The following UTRN variants were observed in gnomAD, a reference collection of about 807,000 sequenced individuals.
UTRN encodes the protein utrophin, also known as dystrophin-related protein 1.
A neutral mutation model predicts 463.9 loss-of-function variants in UTRN; 283 were observed. The observed-to-expected ratio is 0.61, with a 90% confidence interval of 0.55 to 0.67. The LOEUF (loss-of-function observed/expected upper bound fraction) is 0.67. Ranked by LOEUF, UTRN falls within the 30% of genes least tolerant of loss-of-function variation. UTRN has a pLI of 0.00. For synonymous variants in UTRN, 1,442 were observed against 1,431.5 expected, an observed-to-expected ratio of 1.01 and a Z score of -0.17; for missense variants, 3,922 against 4,084.3, an observed-to-expected ratio of 0.96 and a Z score of 1.08.
chr6:144,469,118 T>C (rs1423994776), intron 23 of UTRN, among the ~76,000 whole-genome samples: 2 of 152,178 alleles, frequency 1.3e-5, no homozygotes, highest in African/African-American at 4.8e-5. Context: ...TAGCCAGATA[T>C]ATAAGCAGTA....
chr6:144,791,880 T>G (rs2128743316), intron 62 of UTRN, among the ~76,000 whole-genome samples: 1 of 152,330 alleles, frequency 6.6e-6, no homozygotes, highest in South Asian at 2.1e-4. Context: ...AAGTTGGGCA[T>G]AGTTGATCTT....
chr6:144,732,251 T>TATAC (rs1554360009), intron 54 of UTRN, among the ~76,000 whole-genome samples: 147 of 116,086 alleles, frequency 1.3e-3, no homozygotes, highest in African/African-American at 5.6e-3. Context: ...TATATATATA[T>TATAC]ATATATACAC....
At chr6:144,355,921 T>C (rs1778510530) in intron 2 of UTRN, among the ~76,000 whole-genome samples, 1 of 152,246 alleles carries the variant, frequency 6.6e-6, no homozygotes, top group Admixed American at 6.5e-5. Flanking sequence ...AATTTTGAAT[T>C]AGAAATATTT....
At chr6:144,705,229 A>G (rs149799313) in intron 53 of UTRN, among the ~76,000 whole-genome samples, 1 of 152,194 alleles carries the variant, frequency 6.6e-6, no homozygotes, top group East Asian at 1.9e-4. Flanking sequence ...GGTAGTAGAA[A>G]AGGCACTGAG....
intron 2 of UTRN, among the ~76,000 whole-genome samples, chr6:144,366,997 T>C (rs542257586): frequency 2.2e-4 from 34 of 152,302 alleles, no homozygotes; most frequent in Admixed American, 2.1e-3. Context: ...TCTTTGTTTT[T>C]TGTTTAGATG....
At chr6:144,360,681 C>T (rs1170837969) in intron 2 of UTRN, among the ~76,000 whole-genome samples, 1 of 152,238 alleles carries the variant, frequency 6.6e-6, no homozygotes, top group Non-Finnish European at 1.5e-5. Context: ...TAGCCAGTGA[C>T]TGCTGCTGTA....
intron 51 of UTRN, among the ~76,000 whole-genome samples, chr6:144,590,666 T>C (rs954420391): frequency 1.3e-5 from 2 of 152,026 alleles, no homozygotes; most frequent in African/African-American, 4.8e-5. Context: ...GAAGTACAAA[T>C]ATGTTGTTCT....
intron 51 of UTRN, among the ~76,000 whole-genome samples, chr6:144,672,995 G>C (rs1234291134): frequency 2.0e-5 from 3 of 151,958 alleles, no homozygotes; most frequent in African/African-American, 7.3e-5. Flanking sequence ...GTTCCTTTTG[G>C]AATTAATTCA....
At chr6:144,519,867 G>A (rs534685001) in intron 39 of UTRN, among the ~76,000 whole-genome samples, 6 of 152,292 alleles carry the variant, frequency 3.9e-5, no homozygotes, top group South Asian at 4.1e-4. Flanking sequence ...ATGACAATCC[G>A]TTATGTAACT....
intron 65 of UTRN, among the ~76,000 whole-genome samples, chr6:144,808,344 T>C (rs1246738862): frequency 1.3e-5 from 2 of 152,062 alleles, no homozygotes; most frequent in Admixed American, 6.6e-5. Context: ...TTTAAATAAA[T>C]AGTTATATCT....
chr6:144,757,126 T>C lies in UTRN; in HGVS notation c.8435-803T>C, dbSNP rs1013612725. 9.2e-5 allele frequency among the ~76,000 whole-genome samples: 14 copies of C among 151,970 alleles called. 1 individual carries two copies. In the Middle Eastern group the frequency reaches 0.021, roughly 223 times the overall value. On this transcript the variant is annotated intron_variant, in intron 57 of 74. Coordinates refer to ENST00000367545, the MANE Select transcript of UTRN (RefSeq NM_007124.3). ...TTTTATATTTGTTCATTTAGCAAAATTCTTTTATGGCACTAAATTCACATG... is the reference window on the plus strand; with the variant it reads ...TTTTATATTTGTTCATTTAGCAAAACTCTTTTATGGCACTAAATTCACATG...
intron 52 of UTRN, among the ~76,000 whole-genome samples, chr6:144,683,256 C>G (rs1275069179): frequency 6.6e-6 from 1 of 152,164 alleles, no homozygotes; most frequent in South Asian, 2.1e-4. Flanking sequence ...GAAAAGAACT[C>G]AGTATCTTCA....
intron 52 of UTRN, among the ~76,000 whole-genome samples, 170 bp from the exon 53 acceptor site, chr6:144,699,917 G>A (rs1784412998): frequency 6.8e-6 from 1 of 148,100 alleles, no homozygotes; most frequent in South Asian, 2.1e-4. Context: ...TGTATATATA[G>A]TATATTATAA....
intron 55 of UTRN, among the ~76,000 whole-genome samples, chr6:144,750,264 T>A (rs1227558932): frequency 2.6e-5 from 4 of 152,024 alleles, no homozygotes; most frequent in Admixed American, 2.6e-4. Flanking sequence ...CTTATTTAAT[T>A]GTATTTGTGT....
At chr6:144,705,672 A>G (rs1785018762) in intron 53 of UTRN, among the ~76,000 whole-genome samples, 1 of 152,340 alleles carries the variant, frequency 6.6e-6, no homozygotes, top group Non-Finnish European at 1.5e-5. Flanking sequence ...TTGGTGACAC[A>G]TAGACATTCA....
chr6:144,328,359 A>C lies in UTRN; in HGVS notation c.79+36452A>C, dbSNP rs73591115. On this transcript the variant is annotated intron_variant, in intron 2 of 74. Coordinates refer to ENST00000367545, the MANE Select transcript of UTRN (RefSeq NM_007124.3). The stretch of plus-strand genomic sequence containing the variant: ...ACTTTTTAGAGAGGTGATGAAACAA[A>C]GGAAAATGACTTTAAGCTTCCAGGT... 2.6e-3 allele frequency among the ~76,000 whole-genome samples: 391 copies of C among 152,302 alleles called. 4 individuals carry two copies. Among genetic ancestry groups the C allele is most frequent in the African/African-American group, 9.2e-3 (382 of 41,568 alleles).
chr6:144,683,565 A>G (rs1475263662), intron 52 of UTRN, among the ~76,000 whole-genome samples: 3 of 152,112 alleles, frequency 2.0e-5, no homozygotes, highest in African/African-American at 7.2e-5. Context: ...CATTCCTTTC[A>G]TGCACAATCT....
At chr6:144,735,999 T>TG (rs1407192140) in intron 54 of UTRN, among the ~76,000 whole-genome samples, 1 of 152,122 alleles carries the variant, frequency 6.6e-6, no homozygotes, top group African/African-American at 2.4e-5. Flanking sequence ...ATACTACATT[T>TG]GGGGGGACAA....
intron 2 of UTRN, among the ~76,000 whole-genome samples, chr6:144,350,454 G>A (rs1279652018): frequency 2.0e-5 from 3 of 152,044 alleles, no homozygotes; most frequent in Non-Finnish European, 4.4e-5. Flanking sequence ...CTGATTTAGT[G>A]GCATCCCACT....
Sources: gnomAD v4.1 joint callset for allele counts (sites outside exome capture counted in the v4.1 genomes callset) on GRCh38, gnomAD v4.1.1 for gene constraint, MANE v1.5 for transcripts, NCBI Gene and HGNC (gene_info 2026-07-23, HGNC 2026-07-21) for gene names.